Variants in CACNA2D1 observed in about 807,000 individuals in gnomAD.
CACNA2D1 encodes the protein calcium voltage-gated channel auxiliary subunit alpha2delta 1, also known as voltage-dependent calcium channel subunit alpha-2/delta-1.
Under a neutral mutation model 171.5 loss-of-function variants are expected in CACNA2D1, and 53 were observed. That is an observed-to-expected ratio of 0.31 (90% confidence interval 0.25 to 0.39). CACNA2D1 has a LOEUF of 0.39. CACNA2D1 is among the 10% of genes least tolerant of loss of function. CACNA2D1 has a pLI of 1.00. For synonymous variants in CACNA2D1, 442 were observed against 443.1 expected, an observed-to-expected ratio of 1.00 and a Z score of 0.03; for missense variants, 903 against 1,299.8, an observed-to-expected ratio of 0.69 and a Z score of 4.69.
chr7:81,970,129 AC>A lies in CACNA2D1; in HGVS notation c.2205-146del, dbSNP rs1460746321. The A allele has an allele frequency of 8.9e-6, 6 of 671,336 alleles. 1 individual carries two copies. Among genetic ancestry groups the A allele is most frequent in the Non-Finnish European group, 1.6e-5 (6 of 365,090 alleles). The allele number at this position is 671,336 out of a possible 1,614,324, so 41.6% of individuals were successfully genotyped here. A position where few individuals can be genotyped will look rare whatever the true frequency, so the allele number is the denominator to read the frequency against. On this transcript the variant is annotated intron_variant, in intron 27 of 38. Coordinates refer to ENST00000356860, the MANE Select transcript of CACNA2D1 (RefSeq NM_000722.4). ...AGTGGTAATTGATAGCATAACTGAT[AC>A]TCATTACTGAGCAATGCATCAGCAT...
At chr7:82,294,572 A>G (rs1258272919) in intron 3 of CACNA2D1, among the ~76,000 whole-genome samples, 2 of 152,176 alleles carry the variant, frequency 1.3e-5, no homozygotes, top group African/African-American at 4.8e-5. Flanking sequence ...ATGGTTAATG[A>G]TAAGTCATGT....
chr7:82,168,429 C>T (rs1434865372), intron 4 of CACNA2D1, among the ~76,000 whole-genome samples: 1 of 152,096 alleles, frequency 6.6e-6, no homozygotes, highest in African/African-American at 2.4e-5. Context: ...CAGGTGTAAG[C>T]CACCATGCCC....
intron 7 of CACNA2D1, among the ~76,000 whole-genome samples, chr7:82,069,139 A>T (rs1047851096): frequency 6.6e-6 from 1 of 152,188 alleles, no homozygotes; most frequent in Admixed American, 6.6e-5. Flanking sequence ...TTGTTGTAAA[A>T]TCCCATCATG....
intron 5 of CACNA2D1, among the ~76,000 whole-genome samples, chr7:82,125,361 C>T (rs1308342573): frequency 1.3e-5 from 2 of 152,126 alleles, no homozygotes; most frequent in Non-Finnish European, 2.9e-5. Context: ...AAGAAAATAG[C>T]ACAGTTTGCT....
rs548145190 is a variant in CACNA2D1 at position 82,169,154 on chromosome 7, C to T, written c.354+1396G>A. 2.7e-3 allele frequency among the ~76,000 whole-genome samples: 404 copies of T among 151,996 alleles called. 1 individual carries two copies. The highest frequency in any genetic ancestry group is 3.5e-3 in the Non-Finnish European group (241 of 67,894). On this transcript the variant is annotated intron_variant, in intron 4 of 38. Transcript: ENST00000356860. ...CCCTATTTGCAAAAACAAAAAAAAT[C>T]GTTTTTATCTAAAAGCAACTAAGTA...
chr7:82,068,561 A>T (rs920559979), intron 7 of CACNA2D1, among the ~76,000 whole-genome samples: 2 of 151,854 alleles, frequency 1.3e-5, no homozygotes, highest in African/African-American at 4.8e-5. Context: ...CATTACTCCA[A>T]TCCCTACTGT....
At chr7:82,074,967 C>A (rs1808782970) in intron 7 of CACNA2D1, among the ~76,000 whole-genome samples, 1 of 151,970 alleles carries the variant, frequency 6.6e-6, no homozygotes, top group African/African-American at 2.4e-5. Context: ...CACCCATCAA[C>A]CCGTCATCTA....
At chr7:81,953,834 T>A (rs56351272) in intron 38 of CACNA2D1, among the ~76,000 whole-genome samples, 2,767 of 152,254 alleles carry the variant, frequency 0.018, 83 homozygotes, top group African/African-American at 0.064. Context: ...TACAAATGTG[T>A]TATGGAAAGA....
rs564429524 is a variant in CACNA2D1 at position 82,439,391 on chromosome 7, A to G, written c.95+3974T>C. Among the ~76,000 whole-genome samples, 9 of 152,076 alleles carry G rather than the reference A, an allele frequency of 5.9e-5. No individual in the cohort carries two copies. The South Asian group carries it at 1.9e-3, about 32-fold the overall frequency. Reference sequence around the variant, plus strand: ...TTATCAATGTTGGAGAAATAACAGAAAGATGTCTACACAGTCAGTTTGTTG... The same window carrying G: ...TTATCAATGTTGGAGAAATAACAGAGAGATGTCTACACAGTCAGTTTGTTG... On this transcript the variant is annotated intron_variant, in intron 1 of 38. Coordinates refer to ENST00000356860, the MANE Select transcript of CACNA2D1 (RefSeq NM_000722.4).
At chr7:82,084,955 A>C in intron 6 of CACNA2D1, 55 bp from the exon 7 acceptor site, 1 of 1,304,504 alleles carries the variant, frequency 7.7e-7, no homozygotes, top group Non-Finnish European at 1.1e-6. Context: ...TAAAAACTGA[A>C]TGTCTTCATT....
At chr7:82,021,651 T>C (rs534453013) in intron 12 of CACNA2D1, among the ~76,000 whole-genome samples, 5 of 152,176 alleles carry the variant, frequency 3.3e-5, no homozygotes, top group African/African-American at 1.2e-4. Context: ...TGTATACAAC[T>C]ACTTCGTGGA....
At chr7:82,371,931 C>T (rs998236983) in intron 1 of CACNA2D1, among the ~76,000 whole-genome samples, 2 of 152,058 alleles carry the variant, frequency 1.3e-5, no homozygotes, top group African/African-American at 4.8e-5. Flanking sequence ...ATATAAAACT[C>T]TACCAAAAAA....
chr7:82,198,205 C>T (rs2129200078), intron 3 of CACNA2D1, among the ~76,000 whole-genome samples: 1 of 152,190 alleles, frequency 6.6e-6, no homozygotes, highest in Non-Finnish European at 1.5e-5. Context: ...TCAGTAGGTG[C>T]TATTAAGGCC....
chr7:81,995,001 T>G lies in CACNA2D1; in HGVS notation c.1663-62A>C, dbSNP rs150100707. On this transcript the variant is annotated intron_variant, in intron 19 of 38. Transcript: ENST00000356860. ...CAAAGCTGACCTGCCAAAATATGAC[T>G]ATTAACATGGTAGTTTTTCAAGTTC... is the stretch of plus-strand genomic sequence containing the variant. The G allele has an allele frequency of 2.7e-5, 22 of 809,038 alleles. No individual in the cohort carries two copies. In the East Asian group the frequency reaches 3.9e-4, roughly 14 times the overall value. 50.1% of individuals were successfully genotyped at this position (809,038 alleles called of 1,614,324 possible). A position where few individuals can be genotyped will look rare whatever the true frequency, so the allele number is the denominator to read the frequency against.
rs1445933972 is a variant in CACNA2D1 at position 81,955,976 on chromosome 7, ATATATTTTTT to A, written c.3159+3289_3159+3298del. Reference sequence around the variant, plus strand: ...TCACTGTTGCTATATATATATATATATATATTTTTTTTTTTTTTTTTTTTTTTTGGAAATG... The same window carrying A: ...TCACTGTTGCTATATATATATATATATTTTTTTTTTTTTTTTTTGGAAATG... On this transcript the variant is annotated intron_variant, in intron 38 of 38. Coordinates refer to ENST00000356860, the MANE Select transcript of CACNA2D1 (RefSeq NM_000722.4). Among the ~76,000 whole-genome samples, 696 of 73,514 alleles carry A rather than the reference ATATATTTTTT, an allele frequency of 9.5e-3. 4 individuals carry two copies. The highest frequency in any genetic ancestry group is 0.014 in the Non-Finnish European group (551 of 40,710). The allele number at this position is 73,514 out of a possible 152,430, so 48.2% of individuals were successfully genotyped here. A position where few individuals can be genotyped will look rare whatever the true frequency, so the allele number is the denominator to read the frequency against.
At chr7:82,310,496 A>T (rs929208280) in intron 3 of CACNA2D1, among the ~76,000 whole-genome samples, 1 of 152,082 alleles carries the variant, frequency 6.6e-6, no homozygotes, top group Admixed American at 6.6e-5. Context: ...AAGTTAAATA[A>T]ATTTATTAAT....
intron 24 of CACNA2D1, among the ~76,000 whole-genome samples, chr7:81,980,055 T>C (rs1040741548): frequency 2.3e-4 from 35 of 149,334 alleles, no homozygotes; most frequent in African/African-American, 8.4e-4. Flanking sequence ...AATCCCCACA[T>C]TGAGGAATTT....
At chr7:82,086,944 T>G (rs1810550297) in intron 6 of CACNA2D1, among the ~76,000 whole-genome samples, 1 of 152,132 alleles carries the variant, frequency 6.6e-6, no homozygotes, top group African/African-American at 2.4e-5. Context: ...GGCAATATGT[T>G]TTAAGATTTC....
chr7:82,111,641 G>C (rs1468082688), intron 6 of CACNA2D1, among the ~76,000 whole-genome samples: 1 of 151,236 alleles, frequency 6.6e-6, no homozygotes, highest in East Asian at 1.9e-4. Context: ...GAGAGACAGA[G>C]TTTCACTATG....
Sources: allele counts gnomAD v4.1 joint callset (sites outside exome capture counted in the v4.1 genomes callset), GRCh38; gene constraint gnomAD v4.1.1; transcripts MANE v1.5; gene names NCBI Gene and HGNC (gene_info 2026-07-23, HGNC 2026-07-21).